The following CABLES2 variants were observed in gnomAD, a reference collection of about 807,000 sequenced individuals.
The protein encoded by CABLES2 is Cdk5 and Abl enzyme substrate 2, also known as CDK5 and ABL1 enzyme substrate 2.
A neutral mutation model predicts 44.8 loss-of-function variants in CABLES2; 35 were observed. That is an observed-to-expected ratio of 0.78 (90% CI 0.60 to 1.04). The LOEUF is 1.04. CABLES2 is among the 50% of genes least tolerant of loss of function. The probability of loss-of-function intolerance (pLI) is 0.00; values close to 1 mark genes in which losing one functional copy is unlikely to be tolerated. For missense variants in CABLES2, 566 were observed against 615.7 expected, an observed-to-expected ratio of 0.92 and a Z score of 0.85; for synonymous variants, 282 against 281.1, an observed-to-expected ratio of 1.00 and a Z score of -0.03.
chr20:62,398,268 TGGCGGTGGTGGTGGTG>T (rs1988117532), intron 1 of CABLES2, among the ~76,000 whole-genome samples: 1 of 127,692 alleles, frequency 7.8e-6, no homozygotes, highest in African/African-American at 3.3e-5. Context: ...GTGATGGTGA[TGGCGGTGGTGGTGGTG>T]GTGATGGTGG....
In CABLES2 at chr20:62,389,774, G is replaced by A. The variant is rs560327443; in HGVS notation, c.*1197C>T. On this transcript the variant is annotated 3_prime_UTR_variant, in exon 10 of 10. Coordinates refer to ENST00000279101, the MANE Select transcript of CABLES2 (RefSeq NM_031215.3). ...GCTAGCTGGAGCGCTGGACCATGCA[G>A]AATTTGTTGCAAGAACTTCAGACAG... 7.2e-5 allele frequency: 11 copies of A among 152,410 alleles called. No homozygotes were observed. The East Asian group carries it at 1.7e-3, about 24-fold the overall frequency. 9.4% of individuals were successfully genotyped at this position (152,410 alleles called of 1,614,324 possible).
intron 1 of CABLES2, among the ~76,000 whole-genome samples, chr20:62,398,384 G>GTGATGACGGT (rs1988126165): frequency 6.6e-6 from 1 of 151,868 alleles, no homozygotes; most frequent in African/African-American, 2.4e-5. Context: ...AATGGTGATG[G>GTGATGACGGT]GGCCCTCTGC....
chr20:62,392,510 G>A lies in CABLES2; in HGVS notation c.985-15C>T. 6.3e-7 allele frequency: 1 copy of A among 1,588,318 alleles called. No homozygotes were observed. Among genetic ancestry groups the A allele is most frequent in the Non-Finnish European group, 8.6e-7 (1 of 1,156,586 alleles). On this transcript the variant is annotated splice_polypyrimidine_tract_variant and intron_variant, in intron 7 of 9. Coordinates refer to ENST00000279101, the MANE Select transcript of CABLES2 (RefSeq NM_031215.3). ...ATCACTGTGGTCTGCAACAGAGAGT[G>A]GGCAGGGTTGGGCCGGCCCCTCGCA...
intron 1 of CABLES2, among the ~76,000 whole-genome samples, chr20:62,398,258 G>GTGGTGACGGTGGTGA (rs1988116170): frequency 7.4e-6 from 1 of 134,620 alleles, no homozygotes. Flanking sequence ...GATGGTGGTG[G>GTGGTGACGGTGGTGA]TGATGGTGAT....
chr20:62,392,840 G>T, intron 7 of CABLES2, 80 bp downstream of exon 7: 2 of 1,292,186 alleles, frequency 1.5e-6, no homozygotes, highest in Non-Finnish European at 2.2e-6. Context: ...GGGCAGCTTT[G>T]CCCACAGCCT....
At chr20:62,406,187 G>A (rs1215970689) in intron 1 of CABLES2, among the ~76,000 whole-genome samples, 1 of 152,118 alleles carries the variant, frequency 6.6e-6, no homozygotes, top group Admixed American at 6.5e-5. Flanking sequence ...AGAGACCAGT[G>A]GCTGTGGGAT....
intron 1 of CABLES2, among the ~76,000 whole-genome samples, chr20:62,397,972 C>CGGTG (rs1569017249): frequency 1.9e-5 from 1 of 51,618 alleles, no homozygotes; most frequent in South Asian, 8.2e-4. Flanking sequence ...ATGGTGGTGA[C>CGGTG]AGTGGTGATG....
intron 1 of CABLES2, among the ~76,000 whole-genome samples, chr20:62,397,962 A>ATGGCGG (rs1988060473): frequency 1.3e-5 from 1 of 75,142 alleles, no homozygotes; most frequent in Non-Finnish European, 2.6e-5. Context: ...AGTGGTGGTG[A>ATGGCGG]TGGTGGTGAC....
At chr20:62,398,169 G>A (rs1280088926) in intron 1 of CABLES2, among the ~76,000 whole-genome samples, 4 of 121,910 alleles carry the variant, frequency 3.3e-5, no homozygotes, top group Admixed American at 3.3e-4. Flanking sequence ...GGTGATGGTG[G>A]TAATGGTGGT....
chr20:62,402,075 T>C (rs6121399), intron 1 of CABLES2, among the ~76,000 whole-genome samples: 15,190 of 152,136 alleles, frequency 0.1, 997 homozygotes, highest in African/African-American at 0.18. Flanking sequence ...CACGTGGCAG[T>C]GACCAGCTCA....
chr20:62,397,953 G>GTGGTGGTGA (rs1309282761), intron 1 of CABLES2, among the ~76,000 whole-genome samples: 3 of 21,732 alleles, frequency 1.4e-4, no homozygotes, highest in Non-Finnish European at 2.4e-4. Context: ...GGTGACGGTA[G>GTGGTGGTGA]TGGTGGTGAT....
In CABLES2 at chr20:62,396,454, T is replaced by C. The variant is rs61744285; in HGVS notation, c.435-47A>G. The C allele has an allele frequency of 0.081, 129,957 of 1,612,886 alleles. 6,360 individuals carry two copies. Among genetic ancestry groups the C allele is most frequent in the South Asian group, 0.2 (17,969 of 91,060 alleles). Reference sequence around the variant, plus strand: ...TCACTCTTTTCCTCCCAGGACCCTCTGGCCCCGCAGGGGTCAGTGGCAGCC... The same window carrying C: ...TCACTCTTTTCCTCCCAGGACCCTCCGGCCCCGCAGGGGTCAGTGGCAGCC... On this transcript the variant is annotated intron_variant, in intron 2 of 9. Transcript: ENST00000279101. This position sits in a 1 kb window ranked among gnomAD's most constrained non-coding sequence, Gnocchi z 5.7.
At chr20:62,400,835 C>T (rs1988175565) in intron 1 of CABLES2, among the ~76,000 whole-genome samples, 1 of 152,240 alleles carries the variant, frequency 6.6e-6, no homozygotes, top group African/African-American at 2.4e-5. Flanking sequence ...TGATGGGTTT[C>T]TCTCCACTAT....
At position 62,392,502 on chromosome 20, in the gene CABLES2, CAG is replaced by C. The variant is rs1247078502; in HGVS notation, c.985-9_985-8del. On this transcript the variant is annotated splice_polypyrimidine_tract_variant and splice_region_variant and intron_variant, in intron 7 of 9. Transcript: ENST00000279101. ...CGTATTCTATCACTGTGGTCTGCAA[CAG>C]AGAGTGGGCAGGGTTGGGCCGGCCC... The C allele has an allele frequency of 2.5e-6, 4 of 1,609,488 alleles. No homozygotes were observed. The highest frequency in any genetic ancestry group is 8.5e-7 in the Non-Finnish European group (1 of 1,175,782).
At chr20:62,397,941 G>GTGGTGGTGGTGATGA (rs1569017171) in intron 1 of CABLES2, among the ~76,000 whole-genome samples, 3 of 136,008 alleles carry the variant, frequency 2.2e-5, no homozygotes, top group African/African-American at 8.6e-5. Context: ...GGTGGTGATG[G>GTGGTGGTGGTGATGA]TGGTGACGGT....
chr20:62,401,015 T>C (rs1988178120), intron 1 of CABLES2, among the ~76,000 whole-genome samples: 1 of 152,126 alleles, frequency 6.6e-6, no homozygotes, highest in Non-Finnish European at 1.5e-5. Flanking sequence ...CAAGGAGCTG[T>C]TTAGCAACTT....
chr20:62,402,893 G>A (rs1988215180), intron 1 of CABLES2: 1 of 152,286 alleles, frequency 6.6e-6, no homozygotes, highest in African/African-American at 2.4e-5. Flanking sequence ...TGGAGAGCAA[G>A]AAACCCCCAA....
chr20:62,393,709 A>T lies in CABLES2; in HGVS notation c.715-104T>A, dbSNP rs898613237. The T allele has an allele frequency of 3.9e-6, 5 of 1,281,766 alleles. No homozygotes were observed. In the African/African-American group the frequency reaches 4.5e-5, roughly 11 times the overall value. The allele number at this position is 1,281,766 out of a possible 1,614,324, so 79.4% of individuals were successfully genotyped here. A position where few individuals can be genotyped will look rare whatever the true frequency, so the allele number is the denominator to read the frequency against. ...CAGACGCACATGCCAGGAGCCCTGC[A>T]TGGAAAATGAAGGGAACAACTCAGA... On this transcript the variant is annotated intron_variant, in intron 5 of 9. Transcript: ENST00000279101.
Position 62,397,974 on chromosome 20 carries a change from G to GTGGTGATGGTGGTGGTGATGGTGA in CABLES2, c.363-1383_363-1382insTCACCATCACCACCACCATCACCA, listed in dbSNP as rs1487753503. On this transcript the variant is annotated intron_variant, in intron 1 of 9. Coordinates refer to ENST00000279101, the MANE Select transcript of CABLES2 (RefSeq NM_031215.3). ...GGTAGTGGTGGTGATGGTGGTGACA[G>GTGGTGATGGTGGTGGTGATGGTGA]TGGTGATGGCGGTGGTGGTGATGAT... 3.2e-5 allele frequency among the ~76,000 whole-genome samples: 3 copies of GTGGTGATGGTGGTGGTGATGGTGA among 94,512 alleles called. No homozygotes were observed. The East Asian group carries it at 6.4e-4, about 20-fold the overall frequency. The allele number at this position is 94,512 out of a possible 152,430, so 62.0% of individuals were successfully genotyped here.
Sources: allele counts gnomAD v4.1 joint callset (sites outside exome capture counted in the v4.1 genomes callset), GRCh38; gene constraint gnomAD v4.1.1; non-coding constraint Gnocchi (gnomAD v3.1); transcripts MANE v1.5; gene names NCBI Gene and HGNC (gene_info 2026-07-23, HGNC 2026-07-21).